Variants in SLC47A2 observed in about 807,000 individuals in gnomAD.
SLC47A2 encodes multidrug and toxin extrusion protein 2.
In SLC47A2, 52 loss-of-function variants were observed where a neutral mutation model predicts 67.7. The ratio of observed to expected loss-of-function variants is 0.77; its 90% confidence interval spans 0.61 to 0.97. The LOEUF is 0.97. Ranked by LOEUF, SLC47A2 falls within the 50% of genes least tolerant of loss-of-function variation. The pLI is 0.00. For missense variants in SLC47A2, 676 were observed against 712.3 expected, an observed-to-expected ratio of 0.95 and a Z score of 0.58; for synonymous variants, 278 against 292.9, an observed-to-expected ratio of 0.95 and a Z score of 0.52.
intron 13 of SLC47A2, among the ~76,000 whole-genome samples, chr17:19,697,849 C>T (rs1470278645): frequency 6.6e-6 from 1 of 151,974 alleles, no homozygotes; most frequent in African/African-American, 2.4e-5. Flanking sequence ...CTTTCTTTAG[C>T]CTCCCAAAGT....
rs1025392507 is a variant in SLC47A2 at position 19,685,665 on chromosome 17, G to A, written c.1165-3995C>T. 6.6e-5 allele frequency among the ~76,000 whole-genome samples: 10 copies of A among 152,202 alleles called. No individual in the cohort carries two copies. Among genetic ancestry groups the A allele is most frequent in the Admixed American group, 4.6e-4 (7 of 15,280 alleles). On this transcript the variant is annotated intron_variant, in intron 13 of 16. Coordinates refer to ENST00000433844, the MANE Select transcript of SLC47A2 (RefSeq NM_001099646.3). This position sits in a 1 kb window ranked among gnomAD's most constrained non-coding sequence, Gnocchi z 4.5. ...AGTACCCAGGGACACAAACAGGGCC[G>A]AAGGCCGCAGGGACCTCTGCCTAGG...
chr17:19,702,364 T>C, intron 13 of SLC47A2: 1 of 985,430 alleles, frequency 1.0e-6, no homozygotes, highest in Non-Finnish European at 1.2e-6. Flanking sequence ...GCTGCAATTT[T>C]TCAGTTCTTT....
At position 19,681,654 on chromosome 17, in the gene SLC47A2, A is replaced by G. The variant is rs764600870; in HGVS notation, c.1181T>C (p.Val394Ala). The change falls in exon 14 of 17, where the codon GTT (valine) becomes GCT (alanine). Residue 394 changes from valine to alanine, a missense_variant. Physicochemically the swap from Val to Ala is moderately conservative, Grantham distance 64. Transcript: ENST00000433844. ...FEAICCVYGG[V>A]LRGTGKQAFG... ...GGCCTGCTTCCCAGTTCCTCTCAGA[A>G]CTCCGCCATAGACACACTAGGAGGG... 8.7e-6 allele frequency: 14 copies of G among 1,613,142 alleles called. No homozygotes were observed. The highest frequency in any genetic ancestry group is 1.2e-5 in the Non-Finnish European group (14 of 1,179,456).
Position 19,678,694 on chromosome 17 carries a change from T to A in SLC47A2, c.1693A>T (p.Arg565Trp). 1 of 1,612,226 alleles carries A rather than the reference T, an allele frequency of 6.2e-7. No individual in the cohort carries two copies. The highest frequency in any genetic ancestry group is 1.3e-5 in the African/African-American group (1 of 74,998). ...VGLTVRILAT[R>W]H ...ATTTCCAAGCTTCTTTGCTAGTGCC[T>A]GGTGGCTAGGATCCTGACCGTGAGC... The change falls in exon 17 of 17, where the codon AGG becomes TGG. Residue 565 changes from arginine (R) to tryptophan (W), a missense_variant. Coordinates refer to ENST00000433844, the MANE Select transcript of SLC47A2 (RefSeq NM_001099646.3).
intron 5 of SLC47A2, among the ~76,000 whole-genome samples, chr17:19,709,471 G>A (rs570243871): frequency 3.9e-5 from 6 of 152,274 alleles, no homozygotes; most frequent in African/African-American, 1.2e-4. Context: ...GTACAGAGCT[G>A]GAATAGACCG....
chr17:19,707,862 C>T lies in SLC47A2; in HGVS notation c.630-19G>A. ...GGAGCCCCTGGGTAAGGAGGGAGAA[C>T]AGGGCTGCGACTGATGCCAACTCTC... On this transcript the variant is annotated intron_variant, in intron 7 of 16. Coordinates refer to ENST00000433844, the MANE Select transcript of SLC47A2 (RefSeq NM_001099646.3). 6.4e-7 allele frequency: 1 copy of T among 1,568,180 alleles called. No individual in the cohort carries two copies. Among genetic ancestry groups the T allele is most frequent in the Non-Finnish European group, 8.6e-7 (1 of 1,156,702 alleles).
intron 1 of SLC47A2, chr17:19,716,107 G>T (rs1392441124): frequency 3.3e-6 from 1 of 303,102 alleles, no homozygotes; most frequent in Non-Finnish European, 6.1e-6. Flanking sequence ...CGAAGGTGCT[G>T]CAGGCTTCAT....
intron 13 of SLC47A2, among the ~76,000 whole-genome samples, chr17:19,684,719 TTAAAAAA>T (rs2085384554): frequency 6.6e-6 from 1 of 150,610 alleles, no homozygotes. Context: ...AAATTAAAAG[TTAAAAAA>T]TAAATAGATA....
intron 12 of SLC47A2, among the ~76,000 whole-genome samples, chr17:19,702,885 C>T (rs566095626): frequency 6.6e-6 from 1 of 152,290 alleles, no homozygotes; most frequent in Admixed American, 6.5e-5. Context: ...TTTTGGACTG[C>T]CCTTCAATTA....
At chr17:19,693,928 G>C (rs575972366) in intron 13 of SLC47A2, among the ~76,000 whole-genome samples, 85 of 152,138 alleles carry the variant, frequency 5.6e-4, no homozygotes, top group Admixed American at 3.8e-3. Context: ...CAAACTATTA[G>C]AACAAGGTCA....
intron 10 of SLC47A2, chr17:19,704,791 A>T: frequency 2.2e-6 from 2 of 900,392 alleles, no homozygotes; most frequent in Non-Finnish European, 3.3e-6. Context: ...TGCAGTGTGC[A>T]GGAATGTGGC....
intron 13 of SLC47A2, chr17:19,692,302 A>C (rs751217735): frequency 6.8e-6 from 3 of 440,576 alleles, no homozygotes; most frequent in South Asian, 3.3e-5. Context: ...TTGGTAAAAT[A>C]AAACCAAAAA....
chr17:19,707,781 A>G lies in SLC47A2; in HGVS notation c.692T>C (p.Ile231Thr), dbSNP rs2152355025. The G allele has an allele frequency of 1.9e-6, 3 of 1,602,622 alleles. No individual in the cohort carries two copies. The highest frequency in any genetic ancestry group is 2.6e-6 in the Non-Finnish European group (3 of 1,174,822). Residue 231 changes from isoleucine to threonine, a missense_variant, in exon 8 of 17, where the codon ATT (isoleucine) becomes ACT (threonine). Transcript: ENST00000433844. ...FAQTVFLLLY[I>T]VLKKLHLETW... ...CTCCAGGTGCAGCTTCTTCAGCACAATGTAGAGAAGGAGGAAGACGGTCTG... is the reference window on the plus strand; with the variant it reads ...CTCCAGGTGCAGCTTCTTCAGCACAGTGTAGAGAAGGAGGAAGACGGTCTG...
intron 4 of SLC47A2, 81 bp from the exon 5 acceptor site, chr17:19,712,826 C>A (rs2152362272): frequency 7.1e-7 from 1 of 1,401,444 alleles, no homozygotes; most frequent in East Asian, 2.3e-5. Context: ...TCCTCCAGGA[C>A]TGGGTGCTCG....
Position 19,716,550 on chromosome 17 carries a change from G to T in SLC47A2, c.6C>A (p.Asp2Glu). 1 of 1,603,676 alleles carries T rather than the reference G, an allele frequency of 6.2e-7. No individual in the cohort carries two copies. The highest frequency in any genetic ancestry group is 8.5e-7 in the Non-Finnish European group (1 of 1,175,966). The change falls in exon 1 of 17, where the codon GAC (aspartate) becomes GAA (glutamate). Residue 2 changes from aspartate to glutamate, a missense_variant. Transcript: ENST00000433844. M[D>E]SLQDTVALDH... Reference sequence around the variant, plus strand: ...CCAGGGCCACTGTGTCCTGGAGGCTGTCCATTCCTGGCCGGGGCACTGGCT... The same window carrying T: ...CCAGGGCCACTGTGTCCTGGAGGCTTTCCATTCCTGGCCGGGGCACTGGCT...
intron 13 of SLC47A2, among the ~76,000 whole-genome samples, chr17:19,689,696 CAAAA>C (rs377081377): frequency 1.2e-5 from 1 of 81,662 alleles, no homozygotes; most frequent in Non-Finnish European, 2.6e-5. Context: ...GACCTTGTCT[CAAAA>C]AAAAAAAAAA....
chr17:19,685,562 C>T lies in SLC47A2; in HGVS notation c.1165-3892G>A, dbSNP rs1301591428. Among the ~76,000 whole-genome samples, 3 of 152,184 alleles carry T rather than the reference C, an allele frequency of 2.0e-5. No individual in the cohort carries two copies. Among genetic ancestry groups the T allele is most frequent in the East Asian group, 1.9e-4 (1 of 5,194 alleles). ...CTGGGAGGGTTAAATGGATTAAGGG[C>T]GGTGCAAGATGTGCTTTGTTAAACA... is the stretch of plus-strand genomic sequence containing the variant. On this transcript the variant is annotated intron_variant, in intron 13 of 16. Transcript: ENST00000433844. This position sits in a 1 kb window ranked among gnomAD's most constrained non-coding sequence, Gnocchi z 4.5.
At chr17:19,688,091 A>G (rs996613733) in intron 13 of SLC47A2, among the ~76,000 whole-genome samples, 1 of 152,198 alleles carries the variant, frequency 6.6e-6, no homozygotes. Flanking sequence ...AAAAAAAGAA[A>G]ACTACAGACC....
chr17:19,678,558 C>G lies in SLC47A2; in HGVS notation c.*128G>C. The stretch of plus-strand genomic sequence containing the variant: ...TCACCACAAGGAATCAGCCAAAGTT[C>G]TTTTTTTGAGGAGTGGTTCAAAGTG... On this transcript the variant is annotated 3_prime_UTR_variant, in exon 17 of 17. Transcript: ENST00000433844. 1 of 946,636 alleles carries G rather than the reference C, an allele frequency of 1.1e-6. No homozygotes were observed. The highest frequency in any genetic ancestry group is 1.6e-6 in the Non-Finnish European group (1 of 620,924). The allele number at this position is 946,636 out of a possible 1,614,324, so 58.6% of individuals were successfully genotyped here.
Sources: allele counts gnomAD v4.1 joint callset (sites outside exome capture counted in the v4.1 genomes callset), GRCh38; gene constraint gnomAD v4.1.1; non-coding constraint Gnocchi (gnomAD v3.1); transcripts MANE v1.5; gene names NCBI Gene and HGNC (gene_info 2026-07-23, HGNC 2026-07-21).